Variants in ANO10 observed in about 807,000 individuals in gnomAD.
The protein encoded by ANO10 is anoctamin-10.
In ANO10, 77 loss-of-function variants were observed where a neutral mutation model predicts 74.7. The ratio of observed to expected loss-of-function variants is 1.03; its 90% CI spans 0.86 to 1.25. ANO10 has a LOEUF of 1.25. Among genes scored for constraint, ANO10 ranks in the 50% most tolerant of loss-of-function variants. ANO10 has a pLI of 0.00. For synonymous variants in ANO10, 279 were observed against 284.9 expected (o/e 0.98, Z 0.21); for missense variants, 721 against 778.1 (o/e 0.93, Z 0.87).
chr3:43,375,377 G>T (rs2091765511), intron 12 of ANO10, among the ~76,000 whole-genome samples: 1 of 152,158 alleles, frequency 6.6e-6, no homozygotes, highest in African/African-American at 2.4e-5. Context: ...GAACCCGAGA[G>T]GTGGAGGTGG....
chr3:43,376,182 C>G (rs1177745206), intron 12 of ANO10, among the ~76,000 whole-genome samples: 3 of 152,138 alleles, frequency 2.0e-5, no homozygotes, highest in Non-Finnish European at 4.4e-5. Context: ...TAAAAGGGAG[C>G]AGAAACATTA....
chr3:43,410,920 T>C (rs929903246), intron 12 of ANO10, among the ~76,000 whole-genome samples: 1 of 151,958 alleles, frequency 6.6e-6, no homozygotes, highest in African/African-American at 2.4e-5. Context: ...AACTTTTCTC[T>C]GATAATTCCT....
At chr3:43,445,122 C>CAA (rs10689478) in intron 11 of ANO10, among the ~76,000 whole-genome samples, 3,047 of 91,006 alleles carry the variant, frequency 0.033, 149 homozygotes, top group Admixed American at 0.11. Flanking sequence ...GACTTTGCCT[C>CAA]AAAAAAAAAA....
At chr3:43,523,934 T>A (rs186662135) in intron 11 of ANO10, among the ~76,000 whole-genome samples, 4 of 151,444 alleles carry the variant, frequency 2.6e-5, no homozygotes, top group African/African-American at 9.7e-5. Context: ...ATGGAGTAGA[T>A]GAGCTCATCC....
At chr3:43,610,453 G>T (rs1559778338) in intron 1 of ANO10, among the ~76,000 whole-genome samples, 1 of 152,076 alleles carries the variant, frequency 6.6e-6, no homozygotes, top group Non-Finnish European at 1.5e-5. Context: ...ACCATTGTCA[G>T]GTATTATGTA....
intron 12 of ANO10, among the ~76,000 whole-genome samples, chr3:43,398,381 C>T (rs1339702930): frequency 6.6e-6 from 1 of 152,126 alleles, no homozygotes; most frequent in African/African-American, 2.4e-5. Context: ...TAGTAGGTAA[C>T]AAAAAGTCTG....
At chr3:43,577,330 G>A (rs1366137287) in intron 5 of ANO10, 69 bp from the exon 6 acceptor site, 15 of 1,457,572 alleles carry the variant, frequency 1.0e-5, no homozygotes, top group Middle Eastern at 1.8e-4. Context: ...TTTCAAGTAC[G>A]CTTATTCATT....
rs1000578668 is a variant in ANO10 at position 43,534,972 on chromosome 3, T to G, written c.1797+14748A>C. Among the ~76,000 whole-genome samples, 4 of 150,658 alleles carry G rather than the reference T, an allele frequency of 2.7e-5. No individual in the cohort carries two copies. In the South Asian group the frequency reaches 6.2e-4, roughly 23 times the overall value. On this transcript the variant is annotated intron_variant, in intron 11 of 12. Transcript: ENST00000292246. ...TAACTTTTTTTTCCTATATGTAGAT[T>G]TTTTTCTTTTTTTTTTTTTGAGACA...
chr3:43,397,325 C>T (rs2092400586), intron 12 of ANO10, among the ~76,000 whole-genome samples: 2 of 152,154 alleles, frequency 1.3e-5, no homozygotes, highest in South Asian at 2.1e-4. Flanking sequence ...GTTTTCATAA[C>T]TGTATTAACG....
At chr3:43,647,153 ATG>A (rs57290936) in intron 1 of ANO10, among the ~76,000 whole-genome samples, 3,734 of 141,824 alleles carry the variant, frequency 0.026, 93 homozygotes, top group African/African-American at 0.059. Flanking sequence ...ATGTGTATAT[ATG>A]TGTGTGTGTG....
At chr3:43,383,139 G>A (rs560076790) in intron 12 of ANO10, among the ~76,000 whole-genome samples, 11 of 152,138 alleles carry the variant, frequency 7.2e-5, no homozygotes, top group Middle Eastern at 3.4e-3. Flanking sequence ...AGTAGCTAAC[G>A]GAATACAACA....
intron 4 of ANO10, among the ~76,000 whole-genome samples, chr3:43,594,620 A>G (rs1396462453): frequency 6.6e-6 from 1 of 152,228 alleles, no homozygotes; most frequent in Non-Finnish European, 1.5e-5. Flanking sequence ...CAGTGTGTAG[A>G]AGGAAATTTA....
intron 11 of ANO10, among the ~76,000 whole-genome samples, chr3:43,468,911 T>C (rs956422223): frequency 6.6e-6 from 1 of 151,846 alleles, no homozygotes; most frequent in Admixed American, 6.6e-5. Context: ...AGGGTTTCAC[T>C]GTGTTAGCCA....
intron 11 of ANO10, among the ~76,000 whole-genome samples, chr3:43,522,506 G>T (rs1469945251): frequency 1.3e-5 from 2 of 152,066 alleles, no homozygotes; most frequent in Non-Finnish European, 2.9e-5. Flanking sequence ...CAAACCAAGA[G>T]CTTCATACAA....
At chr3:43,609,368 C>T (rs537710693) in intron 1 of ANO10, among the ~76,000 whole-genome samples, 1 of 152,034 alleles carries the variant, frequency 6.6e-6, no homozygotes, top group East Asian at 1.9e-4. Flanking sequence ...AATCTTCTGA[C>T]CTAAAGCAAA....
chr3:43,437,145 C>T (rs768603473), intron 11 of ANO10, among the ~76,000 whole-genome samples: 5 of 152,138 alleles, frequency 3.3e-5, no homozygotes, highest in Non-Finnish European at 1.5e-5. Flanking sequence ...AGATGGCAGA[C>T]CAAGCATGTA....
intron 4 of ANO10, among the ~76,000 whole-genome samples, chr3:43,588,710 C>T (rs1239283064): frequency 4.6e-5 from 7 of 151,986 alleles, no homozygotes; most frequent in African/African-American, 1.7e-4. Context: ...TAAAATAAGG[C>T]AAGAACCACA....
At chr3:43,677,187 C>G (rs1312523066) in intron 1 of ANO10, among the ~76,000 whole-genome samples, 1 of 152,162 alleles carries the variant, frequency 6.6e-6, no homozygotes, top group Non-Finnish European at 1.5e-5. Context: ...TCCCTTGCAG[C>G]AGCATGGATG....
intron 1 of ANO10, among the ~76,000 whole-genome samples, chr3:43,618,264 A>G (rs1315198720): frequency 1.3e-5 from 2 of 152,152 alleles, no homozygotes; most frequent in African/African-American, 2.4e-5. Context: ...GAGAGGTGAG[A>G]CACAGGATAC....
Sources: gnomAD v4.1 joint callset for allele counts (sites outside exome capture counted in the v4.1 genomes callset) on GRCh38, gnomAD v4.1.1 for gene constraint, MANE v1.5 for transcripts, NCBI Gene and HGNC (gene_info 2026-07-23, HGNC 2026-07-21) for gene names.